The following SPECC1L variants were observed in gnomAD, a reference collection of about 807,000 sequenced individuals.
The protein encoded by SPECC1L is sperm antigen with calponin homology and coiled-coil domains 1 like.
A neutral mutation model predicts 116.8 loss-of-function variants in SPECC1L; 40 were observed. The ratio of observed to expected loss-of-function variants is 0.34; its 90% CI spans 0.27 to 0.45. SPECC1L has a LOEUF of 0.45. Ranked by LOEUF, SPECC1L falls within the 20% of genes least tolerant of loss-of-function variation. The probability of loss-of-function intolerance (pLI) is 1.00; values close to 1 mark genes in which losing one functional copy is unlikely to be tolerated. For missense variants in SPECC1L, 1,110 were observed against 1,373.6 expected (o/e 0.81, Z 3.03); for synonymous variants, 504 against 500.6 (o/e 1.01, Z -0.09).
chr22:24,326,467 C>A (rs565013660), intron 6 of SPECC1L, among the ~76,000 whole-genome samples: 1 of 152,310 alleles, frequency 6.6e-6, no homozygotes, highest in South Asian at 2.1e-4. Flanking sequence ...CTCGTCTACT[C>A]AGCTTGGTGT....
At chr22:24,333,396 A>G (rs1304067274) in intron 8 of SPECC1L, among the ~76,000 whole-genome samples, 3 of 152,226 alleles carry the variant, frequency 2.0e-5, no homozygotes, top group South Asian at 4.1e-4. Context: ...GACATATACA[A>G]ACTCTGCAAT....
rs538251701 is a variant in SPECC1L at position 24,338,317 on chromosome 22, T to C, written c.2561-69T>C. On this transcript the variant is annotated intron_variant, in intron 9 of 16. Coordinates refer to ENST00000314328, the MANE Select transcript of SPECC1L (RefSeq NM_015330.6). ...AGCATTGGGTAATCAGGCGAGTCCT[T>C]AAGTGGAGACCAGTTAAGCTTCCAC... The C allele has an allele frequency of 2.7e-6, 4 of 1,492,070 alleles. No homozygotes were observed. The Admixed American group carries it at 6.7e-5, about 25-fold the overall frequency. 92.4% of individuals were successfully genotyped at this position (1,492,070 alleles called of 1,614,324 possible).
At chr22:24,376,119 G>GA (rs1412010073) in intron 14 of SPECC1L, among the ~76,000 whole-genome samples, 1 of 152,026 alleles carries the variant, frequency 6.6e-6, no homozygotes, top group African/African-American at 2.4e-5. Flanking sequence ...AGACAGACAA[G>GA]AAAAAAGGAA....
At chr22:24,358,810 A>AT (rs1269291753) in intron 11 of SPECC1L, among the ~76,000 whole-genome samples, 1 of 152,196 alleles carries the variant, frequency 6.6e-6, no homozygotes, top group African/African-American at 2.4e-5. Context: ...TATAAGTTTG[A>AT]TTTGGGAAAC....
chr22:24,338,514 CAGAAT>C, intron 10 of SPECC1L, 37 bp downstream of exon 10: 3 of 1,594,676 alleles, frequency 1.9e-6, no homozygotes, highest in Non-Finnish European at 2.6e-6. Flanking sequence ...CTTAGAGCCT[CAGAAT>C]CTGAAAGTTG....
chr22:24,347,093 C>G lies in SPECC1L; in HGVS notation c.2660C>G (p.Ser887Cys), dbSNP rs2041311824. ...AAAVSPMQRH[S>C]ISGPISTSKP... Reference sequence around the variant, plus strand: ...TTTATCTTATGATTTCAGAGACATTCCATAAGTGGACCAATCTCAACATCC... The same window carrying G: ...TTTATCTTATGATTTCAGAGACATTGCATAAGTGGACCAATCTCAACATCC... The change falls in exon 11 of 17, where the codon TCC (serine) becomes TGC (cysteine). Residue 887 changes from serine to cysteine, a missense_variant. Physicochemically the swap from Ser to Cys is moderately radical, Grantham distance 112. This residue lies in a region of SPECC1L where 575 missense variants were observed against 682.4 expected (regional missense o/e 0.84). Transcript: ENST00000314328. The G allele has an allele frequency of 1.2e-6, 2 of 1,613,130 alleles. No homozygotes were observed. The highest frequency in any genetic ancestry group is 8.5e-7 in the Non-Finnish European group (1 of 1,179,294).
intron 5 of SPECC1L, 59 bp downstream of exon 5, chr22:24,322,977 GT>G: frequency 6.3e-7 from 1 of 1,596,944 alleles, no homozygotes; most frequent in Admixed American, 1.7e-5. Flanking sequence ...CATGCACAGT[GT>G]TTACTGAGAA....
At chr22:24,342,556 C>T (rs2041198219) in intron 10 of SPECC1L, among the ~76,000 whole-genome samples, 2 of 151,668 alleles carry the variant, frequency 1.3e-5, no homozygotes, top group Non-Finnish European at 2.9e-5. Flanking sequence ...GCCTGTAATC[C>T]CAGCTACGCA....
chr22:24,321,373 A>T lies in SPECC1L; in HGVS notation c.393A>T (p.Arg131=). Residue 131 remains arginine (R), a synonymous_variant, in exon 5 of 17, where the codon CGA becomes CGT. Transcript: ENST00000314328. ...STRERLRERT[R]LNQSKKLPSA... ...GAGAAAGATTACGTGAACGTACCCGATTAAACCAGAGCAAAAAACTACCTT... is the reference window on the plus strand; with the variant it reads ...GAGAAAGATTACGTGAACGTACCCGTTTAAACCAGAGCAAAAAACTACCTT... The T allele has an allele frequency of 6.2e-7, 1 of 1,614,288 alleles. No individual in the cohort carries two copies. Among genetic ancestry groups the T allele is most frequent in the Non-Finnish European group, 8.5e-7 (1 of 1,180,046 alleles).
At chr22:24,409,892 TA>T (rs2042660094) in intron 14 of SPECC1L, among the ~76,000 whole-genome samples, 6 of 152,014 alleles carry the variant, frequency 3.9e-5, no homozygotes, top group Non-Finnish European at 7.4e-5. Context: ...CTGGACGTGG[TA>T]GCACGTACCA....
At chr22:24,306,517 A>G (rs2049501370) in intron 3 of SPECC1L, among the ~76,000 whole-genome samples, 1 of 152,066 alleles carries the variant, frequency 6.6e-6, no homozygotes, top group African/African-American at 2.4e-5. Flanking sequence ...AGTAGCTGGA[A>G]TTACAGATGT....
At chr22:24,370,924 G>T (rs1464134829) in intron 14 of SPECC1L, among the ~76,000 whole-genome samples, 1 of 151,182 alleles carries the variant, frequency 6.6e-6, no homozygotes, top group East Asian at 1.9e-4. Flanking sequence ...GGCTGGGGGA[G>T]GGAAAAAAGA....
intron 14 of SPECC1L, among the ~76,000 whole-genome samples, chr22:24,398,233 C>T (rs934192626): frequency 4.6e-5 from 7 of 152,150 alleles, no homozygotes; most frequent in East Asian, 3.9e-4. Context: ...GAGCAGGGAT[C>T]GGGGGAGAAG....
intron 14 of SPECC1L, among the ~76,000 whole-genome samples, chr22:24,401,423 G>A (rs2042471409): frequency 6.6e-6 from 1 of 152,222 alleles, no homozygotes; most frequent in South Asian, 2.1e-4. Context: ...TCCATTCGCA[G>A]CAGGACTGGC....
At chr22:24,407,692 A>G (rs2042619027) in intron 14 of SPECC1L, among the ~76,000 whole-genome samples, 1 of 152,188 alleles carries the variant, frequency 6.6e-6, no homozygotes. Context: ...TTCATCAAGC[A>G]CTTAGTCCCT....
chr22:24,332,948 G>C (rs1404993251), intron 8 of SPECC1L, among the ~76,000 whole-genome samples: 1 of 152,160 alleles, frequency 6.6e-6, no homozygotes, highest in African/African-American at 2.4e-5. Flanking sequence ...GTTCTAATCA[G>C]CCGGGCGCAG....
chr22:24,335,742 G>A (rs2041040447), intron 9 of SPECC1L, among the ~76,000 whole-genome samples: 4 of 152,084 alleles, frequency 2.6e-5, no homozygotes, highest in African/African-American at 9.7e-5. Flanking sequence ...AGGACTGTTA[G>A]GCAACACCTT....
In SPECC1L at chr22:24,369,316, A is replaced by G. The variant is rs764226171; in HGVS notation, c.3083A>G (p.Tyr1028Cys). 7 of 1,610,670 alleles carry G rather than the reference A, an allele frequency of 4.3e-6. No individual in the cohort carries two copies. Among genetic ancestry groups the G allele is most frequent in the Non-Finnish European group, 5.9e-6 (7 of 1,176,822 alleles). ...LKWCQKKTEG[Y>C]QNIDITNFSS... ...TGGTGTCAGAAGAAAACAGAAGGCTATCAGGTAATCATATGATTCTTTTGT... is the reference window on the plus strand; with the variant it reads ...TGGTGTCAGAAGAAAACAGAAGGCTGTCAGGTAATCATATGATTCTTTTGT... The change falls in exon 14 of 17, where the codon TAT becomes TGT. Residue 1028 changes from tyrosine to cysteine, a missense_variant. Transcript: ENST00000314328.
At chr22:24,393,896 GTTTGTA>G (rs1465816316) in intron 14 of SPECC1L, among the ~76,000 whole-genome samples, 1 of 152,058 alleles carries the variant, frequency 6.6e-6, no homozygotes, top group East Asian at 1.9e-4. Context: ...GCTGTATATT[GTTTGTA>G]TTTGTTATAG....
Sources: allele counts gnomAD v4.1 joint callset (sites outside exome capture counted in the v4.1 genomes callset), GRCh38; gene constraint gnomAD v4.1.1; regional missense constraint gnomAD v4.1.1; transcripts MANE v1.5; gene names NCBI Gene and HGNC (gene_info 2026-07-23, HGNC 2026-07-21).